SCN1A: variants seen among roughly 807,000 people sequenced by gnomAD.
SCN1A encodes sodium channel protein type 1 subunit alpha.
A neutral mutation model predicts 193.7 loss-of-function variants in SCN1A; 13 were observed. That is an observed-to-expected ratio of 0.07 (90% CI 0.04 to 0.11). The LOEUF (loss-of-function observed/expected upper bound fraction) is 0.11, where lower values mean the gene tolerates loss of function less well. Among genes scored for constraint, SCN1A ranks in the 10% least tolerant of loss-of-function variants. The probability of loss-of-function intolerance (pLI) is 1.00; values close to 1 mark genes in which losing one functional copy is unlikely to be tolerated. For synonymous variants in SCN1A, 781 were observed against 843.6 expected (o/e 0.93, Z 1.29); for missense variants, 1,432 against 2,451.1 (o/e 0.58, Z 8.78).
intron 19 of SCN1A, among the ~76,000 whole-genome samples, chr2:166,028,255 T>A (rs1221291207): frequency 2.0e-5 from 3 of 152,016 alleles, no homozygotes; most frequent in African/African-American, 7.2e-5. Context: ...ACAAAAAAAT[T>A]GGAAAGAAAA....
chr2:166,056,455 C>T lies in SCN1A; in HGVS notation c.429G>A (p.Val143=), dbSNP rs1050330603. 8 of 1,608,412 alleles carry T rather than the reference C, an allele frequency of 5.0e-6. No homozygotes were observed. Among genetic ancestry groups the T allele is most frequent in the African/African-American group, 1.3e-5 (1 of 74,730 alleles). The change falls in exon 6 of 29, where the codon GTG becomes GTA. Residue 143 remains valine (V), a synonymous_variant. Coordinates refer to ENST00000674923, the MANE Select transcript of SCN1A (RefSeq NM_001165963.4). ...CAGGAGGGTTACTCATTGTCATAAA[C>T]ACACAGTTTGTCAAAATAGTGCACA... ...LIMCTILTNC[V]FMTMSNPPDW... is the part of the protein sequence containing the mutation.
chr2:166,100,367 A>T (rs1236266539), intron 2 of SCN1A, among the ~76,000 whole-genome samples: 1 of 142,724 alleles, frequency 7.0e-6, no homozygotes, highest in African/African-American at 2.6e-5. Context: ...TCAATTCAAG[A>T]TGGATTAAAG....
chr2:166,142,173 G>A (rs1330115530), intron 1 of SCN1A, among the ~76,000 whole-genome samples: 1 of 152,172 alleles, frequency 6.6e-6, no homozygotes, highest in African/African-American at 2.4e-5. Flanking sequence ...CAGATCAGAA[G>A]GGCCTGGCAC....
At chr2:166,025,223 G>A (rs1311209784) in intron 19 of SCN1A, among the ~76,000 whole-genome samples, 1 of 152,128 alleles carries the variant, frequency 6.6e-6, no homozygotes, top group African/African-American at 2.4e-5. Flanking sequence ...TGGAAATCCA[G>A]TTCTTTTCCA....
upstream of SCN1A, among the ~76,000 whole-genome samples, chr2:166,131,999 A>C (rs940118934): frequency 6.6e-6 from 1 of 152,164 alleles, no homozygotes; most frequent in Non-Finnish European, 1.5e-5. Context: ...TTGTTTGGGA[A>C]TCTATAGTCA....
rs1449457260 is a variant in SCN1A, at chr2:166,013,753, A to G, written c.3696T>C (p.Ser1232=). 6.2e-7 allele frequency: 1 copy of G among 1,611,580 alleles called. No homozygotes were observed. Among genetic ancestry groups the G allele is most frequent in the Non-Finnish European group, 8.5e-7 (1 of 1,178,288 alleles). The part of the protein sequence containing the change: ...TFIVFMILLS[S]GALAFEDIYI... ...TCTTAATCTCACTCACCAGAGCACC[A>G]CTACTAAGGAGAATCATGAAAACAA... Residue 1232 remains serine (S), a synonymous_variant, in exon 21 of 29, where the codon AGT becomes AGC. Transcript: ENST00000674923.
chr2:166,129,268 A>C (rs371133965), upstream of SCN1A, among the ~76,000 whole-genome samples: 34 of 152,296 alleles, frequency 2.2e-4, no homozygotes, highest in South Asian at 7.0e-3. Flanking sequence ...AGCCCAAAGA[A>C]TAATCCACTG....
chr2:166,016,574 T>C (rs1312147354), intron 19 of SCN1A: 1 of 151,992 alleles, frequency 6.6e-6, no homozygotes, highest in Non-Finnish European at 1.5e-5. Flanking sequence ...TAATAGAAAA[T>C]ATTAACTAAC....
chr2:166,108,456 G>C (rs1688937836), intron 2 of SCN1A, among the ~76,000 whole-genome samples: 1 of 151,904 alleles, frequency 6.6e-6, no homozygotes, highest in Non-Finnish European at 1.5e-5. Context: ...TCATTCCTAG[G>C]TATCTAATCA....
chr2:166,145,526 A>AC (rs1406320004), intron 1 of SCN1A, among the ~76,000 whole-genome samples: 2 of 56,844 alleles, frequency 3.5e-5, no homozygotes, highest in Non-Finnish European at 6.2e-5. Flanking sequence ...TTGGAGAAAA[A>AC]TTTGTGTGTG....
In SCN1A at chr2:165,992,465, G is replaced by C; in HGVS notation, c.4853-43C>G. On this transcript the variant is annotated intron_variant, in intron 28 of 28. Coordinates refer to ENST00000674923, the MANE Select transcript of SCN1A (RefSeq NM_001165963.4). The surrounding 1 kb of genome is among the most constrained non-coding windows in gnomAD (Gnocchi z 6.5). ...GAATACCAACCAGTGAAGAAATCAT[G>C]CGTTAAAATAAACATATGTTTCTTC... 1 of 1,607,986 alleles carries C rather than the reference G, an allele frequency of 6.2e-7. No homozygotes were observed. The highest frequency in any genetic ancestry group is 8.5e-7 in the Non-Finnish European group (1 of 1,175,016).
chr2:166,132,020 T>C (rs1691679798), upstream of SCN1A, among the ~76,000 whole-genome samples: 1 of 152,150 alleles, frequency 6.6e-6, no homozygotes, highest in Non-Finnish European at 1.5e-5. Context: ...CTGAGCAACA[T>C]GAAGCTGGGT....
intron 2 of SCN1A, among the ~76,000 whole-genome samples, chr2:166,079,027 AG>A (rs1192664179): frequency 1.3e-5 from 2 of 151,500 alleles, no homozygotes; most frequent in Non-Finnish European, 3.0e-5. Context: ...ATCCTAATAG[AG>A]GTTGTTTTTA....
chr2:166,002,991 A>C (rs1437116172), intron 23 of SCN1A: 1 of 319,320 alleles, frequency 3.1e-6, no homozygotes, highest in South Asian at 9.3e-5. Flanking sequence ...ATGTTTTTAA[A>C]AAAAAGGGAG....
At chr2:166,076,406 T>C (rs993768473) in intron 3 of SCN1A, among the ~76,000 whole-genome samples, 12 of 152,104 alleles carry the variant, frequency 7.9e-5, no homozygotes, top group African/African-American at 2.9e-4. Flanking sequence ...ACTAAATAAA[T>C]GCAGAGACAG....
At chr2:166,089,259 T>G (rs760170813) in intron 2 of SCN1A, among the ~76,000 whole-genome samples, 1 of 152,042 alleles carries the variant, frequency 6.6e-6, no homozygotes, top group Admixed American at 6.6e-5. Context: ...CTAGTAAACA[T>G]TATTCATTGT....
chr2:166,134,473 G>A (rs989409283), intron 1 of SCN1A, among the ~76,000 whole-genome samples: 3 of 152,186 alleles, frequency 2.0e-5, no homozygotes, highest in African/African-American at 7.2e-5. Flanking sequence ...GTTTAAGAAG[G>A]TGATGGACTA....
chr2:165,985,168 A>G (rs887111616), downstream of SCN1A: 2 of 152,106 alleles, frequency 1.3e-5, no homozygotes, highest in African/African-American at 2.4e-5. Context: ...AAGAATAAAG[A>G]TAGAAGAGAA....
Position 166,046,899 on chromosome 2 carries a change from A to G in SCN1A, c.1248T>C (p.Asn416=), listed in dbSNP as rs748267258. The part of the protein sequence containing the change: ...VIFLGSFYLI[N]LILAVVAMAY... ...CCATGGCCACCACAGCCAGGATCAA[A>G]TTTATTAGGTAGAATGAGCCCAAGA... The change falls in exon 12 of 29, where the codon AAT becomes AAC. Residue 416 remains asparagine (N), a synonymous_variant. Coordinates refer to ENST00000674923, the MANE Select transcript of SCN1A (RefSeq NM_001165963.4). The G allele has an allele frequency of 5.0e-6, 8 of 1,613,894 alleles. No homozygotes were observed. Among genetic ancestry groups the G allele is most frequent in the Non-Finnish European group, 6.8e-6 (8 of 1,179,926 alleles).
Sources: gnomAD v4.1 joint callset for allele counts (sites outside exome capture counted in the v4.1 genomes callset) on GRCh38, gnomAD v4.1.1 for gene constraint, Gnocchi (gnomAD v3.1) non-coding constraint, MANE v1.5 for transcripts, NCBI Gene and HGNC (gene_info 2026-07-23, HGNC 2026-07-21) for gene names.